ADGRB3: variants seen among roughly 807,000 people sequenced by gnomAD.
ADGRB3 encodes the protein brain-specific angiogenesis inhibitor 3.
A neutral mutation model predicts 193.4 loss-of-function variants in ADGRB3; 37 were observed. The observed-to-expected ratio is 0.19, with a 90% CI of 0.15 to 0.25. The LOEUF (loss-of-function observed/expected upper bound fraction) is 0.25. ADGRB3 is among the 10% of genes least tolerant of loss of function. ADGRB3 has a pLI of 1.00. For missense variants in ADGRB3, 1,637 were observed against 1,852.9 expected (o/e 0.88, Z 2.14); for synonymous variants, 690 against 644.2 (o/e 1.07, Z -1.08).
At chr6:69,136,070 C>A (rs1272066863) in intron 17 of ADGRB3, among the ~76,000 whole-genome samples, 1 of 151,922 alleles carries the variant, frequency 6.6e-6, no homozygotes, top group African/African-American at 2.4e-5. Context: ...CAGAAATATA[C>A]CCCTAGTATG....
intron 11 of ADGRB3, among the ~76,000 whole-genome samples, chr6:69,008,639 A>G (rs1390318176): frequency 2.0e-5 from 3 of 152,058 alleles, no homozygotes; most frequent in Non-Finnish European, 4.4e-5. Flanking sequence ...GCATAGGGAG[A>G]GTTCCTTGTG....
chr6:69,093,738 A>G (rs1390108860), intron 17 of ADGRB3, among the ~76,000 whole-genome samples: 1 of 151,822 alleles, frequency 6.6e-6, no homozygotes, highest in African/African-American at 2.4e-5. Context: ...GTTCAGGGAA[A>G]GAGAGGGTGT....
At position 69,282,516 on chromosome 6, in the gene ADGRB3, T is replaced by C. The variant is rs556728668; in HGVS notation, c.2815-42356T>C. Reference sequence around the variant, plus strand: ...AGTAATATGATTCTTCAGAATTTGATTTTTAAAAATTCTCAGTTTCATAAA... The same window carrying C: ...AGTAATATGATTCTTCAGAATTTGACTTTTAAAAATTCTCAGTTTCATAAA... On this transcript the variant is annotated intron_variant, in intron 20 of 31. Coordinates refer to ENST00000370598, the MANE Select transcript of ADGRB3 (RefSeq NM_001704.3). Among the ~76,000 whole-genome samples the C allele has an allele frequency of 5.3e-5, 8 of 152,310 alleles. No individual in the cohort carries two copies. The East Asian group carries it at 1.5e-3, about 29-fold the overall frequency.
intron 3 of ADGRB3, among the ~76,000 whole-genome samples, chr6:68,878,667 T>C (rs1765654019): frequency 6.6e-6 from 1 of 152,190 alleles, no homozygotes; most frequent in African/African-American, 2.4e-5. Flanking sequence ...TGTGACCATT[T>C]CAGTTTTTGT....
chr6:69,151,069 T>G lies in ADGRB3; in HGVS notation c.2480+75031T>G, dbSNP rs141019111. On this transcript the variant is annotated intron_variant, in intron 17 of 31. Coordinates refer to ENST00000370598, the MANE Select transcript of ADGRB3 (RefSeq NM_001704.3). ...GGAGCTGCAAGCTACACTGCCTAGG[T>G]TTGGGGAAGGGTTGGTGCAAGTACT... Among the ~76,000 whole-genome samples, 986 of 152,184 alleles carry G rather than the reference T, an allele frequency of 6.5e-3. 6 individuals carry two copies. Among genetic ancestry groups the G allele is most frequent in the Middle Eastern group, 0.024 (7 of 294 alleles).
intron 13 of ADGRB3, among the ~76,000 whole-genome samples, chr6:69,047,682 T>A (rs1304785912): frequency 6.6e-6 from 1 of 152,134 alleles, no homozygotes; most frequent in African/African-American, 2.4e-5. Flanking sequence ...CAAAGTAATA[T>A]GGCTTTGTTC....
At chr6:68,958,215 T>C (rs1768133081) in intron 8 of ADGRB3, among the ~76,000 whole-genome samples, 2 of 151,880 alleles carry the variant, frequency 1.3e-5, no homozygotes, top group Admixed American at 6.6e-5. Flanking sequence ...AAAAAAAATC[T>C]AAAATTACTT....
chr6:68,718,365 C>A (rs754368827), intron 3 of ADGRB3, among the ~76,000 whole-genome samples: 1 of 151,616 alleles, frequency 6.6e-6, no homozygotes, highest in Non-Finnish European at 1.5e-5. Flanking sequence ...AGCCATGGAC[C>A]ACTTAGAGAA....
At chr6:68,651,568 G>T (rs190959704) in intron 3 of ADGRB3, among the ~76,000 whole-genome samples, 13 of 152,210 alleles carry the variant, frequency 8.5e-5, no homozygotes, top group African/African-American at 3.1e-4. Flanking sequence ...ATGGAGCAGT[G>T]GGAGTTTAGG....
chr6:69,332,606 T>G (rs1161419845), intron 23 of ADGRB3: 1 of 985,272 alleles, frequency 1.0e-6, no homozygotes, highest in Non-Finnish European at 1.2e-6. Flanking sequence ...TTACTCAGGG[T>G]TGACTCAGAC....
At chr6:68,772,363 G>A (rs1766634380) in intron 3 of ADGRB3, among the ~76,000 whole-genome samples, 1 of 152,042 alleles carries the variant, frequency 6.6e-6, no homozygotes, top group Non-Finnish European at 1.5e-5. Context: ...ATGGAGTCAG[G>A]TAATTTCAGA....
At chr6:69,335,272 G>A (rs1481150535) in intron 24 of ADGRB3, among the ~76,000 whole-genome samples, 1 of 152,014 alleles carries the variant, frequency 6.6e-6, no homozygotes, top group African/African-American at 2.4e-5. Flanking sequence ...TGACAATAGT[G>A]TCTTATTATG....
At position 68,690,870 on chromosome 6, in the gene ADGRB3, G is replaced by A. The variant is rs143065817; in HGVS notation, c.757+51438G>A. Among the ~76,000 whole-genome samples, 213 of 151,936 alleles carry A rather than the reference G, an allele frequency of 1.4e-3. 1 individual carries two copies. The highest frequency in any genetic ancestry group is 4.7e-3 in the African/African-American group (195 of 41,446). Reference sequence around the variant, plus strand: ...TTATGTTTATTTTCCCATTTATTTCGTAGAGAACACATTTTGGGTTGCAGT... The same window carrying A: ...TTATGTTTATTTTCCCATTTATTTCATAGAGAACACATTTTGGGTTGCAGT... On this transcript the variant is annotated intron_variant, in intron 3 of 31. Transcript: ENST00000370598.
intron 3 of ADGRB3, among the ~76,000 whole-genome samples, chr6:68,861,071 C>A (rs1162872639): frequency 6.6e-6 from 1 of 152,226 alleles, no homozygotes; most frequent in East Asian, 1.9e-4. Context: ...TGGAGAGAGT[C>A]TTGAATTTCT....
At chr6:68,975,797 T>C (rs1768726865) in intron 10 of ADGRB3, among the ~76,000 whole-genome samples, 2 of 152,194 alleles carry the variant, frequency 1.3e-5, no homozygotes, top group African/African-American at 4.8e-5. Flanking sequence ...TTAAAATAAA[T>C]GACAGTGTTA....
chr6:68,832,081 A>C (rs531716801), intron 3 of ADGRB3, among the ~76,000 whole-genome samples: 1 of 152,286 alleles, frequency 6.6e-6, no homozygotes, highest in East Asian at 1.9e-4. Context: ...TTACTTGTAC[A>C]TATTTTAAAG....
chr6:69,197,890 C>G (rs1765335051), intron 17 of ADGRB3, among the ~76,000 whole-genome samples: 1 of 152,024 alleles, frequency 6.6e-6, no homozygotes, highest in South Asian at 2.1e-4. Flanking sequence ...TGCCTATCCA[C>G]TTAGTTCTAT....
chr6:69,031,600 T>G (rs1030774406), intron 13 of ADGRB3, among the ~76,000 whole-genome samples: 6 of 116,278 alleles, frequency 5.2e-5, no homozygotes, highest in African/African-American at 1.8e-4. Flanking sequence ...TTCTTTCTTC[T>G]CTTTCCTTTC....
Position 69,068,221 on chromosome 6 carries a change from A to C in ADGRB3, c.2436+5185A>C, listed in dbSNP as rs570201219. Among the ~76,000 whole-genome samples, 4 of 152,284 alleles carry C rather than the reference A, an allele frequency of 2.6e-5. No homozygotes were observed. In the South Asian group the frequency reaches 8.3e-4, roughly 32 times the overall value. On this transcript the variant is annotated intron_variant, in intron 16 of 31. Transcript: ENST00000370598. ...AGAATCTATGACTGTGCTGTGTTAC[A>C]AGCCAAAAGGGATGTTTGTGTGAGT...
Sources: allele counts gnomAD v4.1 joint callset (sites outside exome capture counted in the v4.1 genomes callset), GRCh38; gene constraint gnomAD v4.1.1; transcripts MANE v1.5; gene names NCBI Gene and HGNC (gene_info 2026-07-23, HGNC 2026-07-21).